Variants in CD5 observed in about 807,000 individuals in gnomAD.
The protein encoded by CD5 is CD5 molecule.
Under a neutral mutation model 60.3 loss-of-function variants are expected in CD5, and 36 were observed. The ratio of observed to expected loss-of-function variants is 0.60; its 90% confidence interval spans 0.46 to 0.79. CD5 has a LOEUF of 0.79. CD5 is among the 30% of genes least tolerant of loss of function. CD5 has a pLI of 0.00. For missense variants in CD5, 540 were observed against 630.6 expected (o/e 0.86, Z 1.54); for synonymous variants, 230 against 257.6 (o/e 0.89, Z 1.03).
chr11:61,102,493 T>C lies in CD5; in HGVS notation c.-68T>C. The C allele has an allele frequency of 1.9e-6, 2 of 1,032,576 alleles. No individual in the cohort carries two copies. Among genetic ancestry groups the C allele is most frequent in the Non-Finnish European group, 2.8e-6 (2 of 724,928 alleles). The allele number at this position is 1,032,576 out of a possible 1,614,324, so 64.0% of individuals were successfully genotyped here. ...GCCCTCTCCCTCTCTGAGAGCGAGA[T>C]ACCCGGCCAGACACCCTCACCTGCG... On this transcript the variant is annotated 5_prime_UTR_variant, in exon 1 of 11. Transcript: ENST00000347785.
rs769667296 is a variant in CD5, at chr11:61,118,243, G to A, written c.163G>A (p.Gly55Arg). ...QGQLEVYLKD[G>R]WHMVCSQSWG... ...CCAGCTGGAGGTCTACCTCAAGGAC[G>A]GATGGCACATGGTTTGCAGCCAGAG... Residue 55 changes from glycine to arginine, a missense_variant, in exon 3 of 11, where the codon GGA becomes AGA. By Grantham distance (125) the Gly-to-Arg change is moderately radical. Transcript: ENST00000347785. The surrounding 1 kb of genome is among the most constrained non-coding windows in gnomAD (Gnocchi z 4.7). 51 of 1,614,142 alleles carry A rather than the reference G, an allele frequency of 3.2e-5. No individual in the cohort carries two copies. Among genetic ancestry groups the A allele is most frequent in the South Asian group, 2.6e-4 (24 of 91,090 alleles).
chr11:61,118,052 G>A lies in CD5; in HGVS notation c.95-123G>A. 9.9e-7 allele frequency: 1 copy of A among 1,014,872 alleles called. No homozygotes were observed. The highest frequency in any genetic ancestry group is 1.5e-5 in the South Asian group (1 of 66,480). 62.9% of individuals were successfully genotyped at this position (1,014,872 alleles called of 1,614,324 possible). A position where few individuals can be genotyped will look rare whatever the true frequency, so the allele number is the denominator to read the frequency against. ...CCAGAAGGGACGAAGCTCACAAGGG[G>A]CAAGGCAGGCAGCCCACGGGGCAGG... On this transcript the variant is annotated intron_variant, in intron 2 of 10. Coordinates refer to ENST00000347785, the MANE Select transcript of CD5 (RefSeq NM_014207.4). The surrounding 1 kb of genome is among the most constrained non-coding windows in gnomAD (Gnocchi z 4.7).
At chr11:61,096,506 T>C in the CD5 span, among the ~76,000 whole-genome samples, 2,304 of 152,272 alleles carry the variant, frequency 0.015, 64 homozygotes, top group African/African-American at 0.051. Flanking sequence ...GAGTTTCCAC[T>C]AAGCAGGCTT....
chr11:61,110,430 A>C (rs1173592773), intron 1 of CD5, among the ~76,000 whole-genome samples: 1 of 152,236 alleles, frequency 6.6e-6, no homozygotes. Flanking sequence ...ACAGATTAAG[A>C]AACTGAGCCC....
At chr11:61,099,384 TCACACACACA>T (rs1214974910), upstream of CD5, among the ~76,000 whole-genome samples, 16 of 117,344 alleles carry the variant, frequency 1.4e-4, no homozygotes, top group East Asian at 1.2e-3. Context: ...AACATGGAAA[TCACACACACA>T]CATCAACATG....
chr11:61,117,971 G>A (rs1860988915), intron 2 of CD5, among the ~76,000 whole-genome samples: 1 of 152,218 alleles, frequency 6.6e-6, no homozygotes, highest in Non-Finnish European at 1.5e-5. Flanking sequence ...CCACCCTCCT[G>A]GGTCTAGCTT....
chr11:61,097,646 A>G (rs1024201960), upstream of CD5, among the ~76,000 whole-genome samples: 1 of 152,170 alleles, frequency 6.6e-6, no homozygotes, highest in Non-Finnish European at 1.5e-5. Flanking sequence ...CTTTCTTCCA[A>G]CTGCCCATAA....
At position 61,119,626 on chromosome 11, in the gene CD5, G is replaced by C; in HGVS notation, c.805+51G>C. 3.0e-6 allele frequency: 4 copies of C among 1,341,926 alleles called. No individual in the cohort carries two copies. In the South Asian group the frequency reaches 5.2e-5, roughly 17 times the overall value. 83.1% of individuals were successfully genotyped at this position (1,341,926 alleles called of 1,614,324 possible). ...TGACACCTTCTGCTGCCCTAGGTGG[G>C]GTCACAGAGCATCCCAGAAGGTCAG... is the stretch of plus-strand genomic sequence containing the variant. On this transcript the variant is annotated intron_variant, in intron 5 of 10. Coordinates refer to ENST00000347785, the MANE Select transcript of CD5 (RefSeq NM_014207.4).
At chr11:61,099,531 TTCGCACACATCAACATGGAGATC>T (rs1860629439), upstream of CD5, among the ~76,000 whole-genome samples, 1 of 23,978 alleles carries the variant, frequency 4.2e-5, no homozygotes, top group African/African-American at 2.9e-4. Flanking sequence ...GGAGATCACA[TTCGCACACATCAACATGGAGATC>T]ACACACACAC....
intron 5 of CD5, among the ~76,000 whole-genome samples, chr11:61,120,717 T>C (rs950653207): frequency 6.6e-6 from 1 of 152,200 alleles, no homozygotes; most frequent in Non-Finnish European, 1.5e-5. Context: ...GCAAGCACGC[T>C]GGGTACCTGG....
intron 7 of CD5, among the ~76,000 whole-genome samples, chr11:61,123,550 T>A (rs547421109): frequency 5.3e-5 from 8 of 152,220 alleles, no homozygotes; most frequent in African/African-American, 1.9e-4. Flanking sequence ...AGGGGAGAGA[T>A]TGGGAACAGA....
rs772971650 is a variant in CD5, at chr11:61,121,803, G to A, written c.998G>A (p.Gly333Asp). ...SVNSYRVLDA[G>D]DPTSRGLFCP... ...AACTCCTATCGAGTGCTGGACGCTG[G>A]TGACCCAACATCCCGGGGGCTCTTC... is the stretch of plus-strand genomic sequence containing the variant. The change falls in exon 6 of 11, where the codon GGT becomes GAT. Residue 333 changes from glycine to aspartate, a missense_variant. Gly to Asp is a moderately conservative substitution (Grantham distance 94). Transcript: ENST00000347785. 1.2e-6 allele frequency: 2 copies of A among 1,609,978 alleles called. No individual in the cohort carries two copies. The highest frequency in any genetic ancestry group is 1.7e-6 in the Non-Finnish European group (2 of 1,176,970).
At chr11:61,103,941 A>G (rs1860741293) in intron 1 of CD5, among the ~76,000 whole-genome samples, 1 of 82,464 alleles carries the variant, frequency 1.2e-5, no homozygotes, top group Non-Finnish European at 2.2e-5. Flanking sequence ...TCTGTGTGTG[A>G]GTCTCTGGGC....
intron 1 of CD5, among the ~76,000 whole-genome samples, chr11:61,113,580 A>G (rs1860890713): frequency 6.6e-6 from 1 of 152,262 alleles, no homozygotes; most frequent in African/African-American, 2.4e-5. Flanking sequence ...GCTGTTAAAG[A>G]TAAGTGGCTG....
At chr11:61,116,470 G>A (rs75448191) in intron 2 of CD5, among the ~76,000 whole-genome samples, 10,173 of 62,390 alleles carry the variant, frequency 0.16, 1,071 homozygotes, top group African/African-American at 0.38. Context: ...CACACACACC[G>A]CACACCACAT....
chr11:61,095,062 C>T, the CD5 span, among the ~76,000 whole-genome samples: 3 of 152,136 alleles, frequency 2.0e-5, no homozygotes, highest in Non-Finnish European at 4.4e-5. Flanking sequence ...CGATCCCACC[C>T]GCCGAGGGAA....
Position 61,123,882 on chromosome 11 carries a change from A to C in CD5, c.1226-2A>C. On this transcript the variant is annotated splice_acceptor_variant, in intron 7 of 10. Transcript: ENST00000347785. LOFTEE classifies it high-confidence loss of function. ...GATGTGCCTTTCTTGTCTCTTGCCC[A>C]GTCCGCCAGAAGAAGCAGCGCCAGT... 7.2e-7 allele frequency: 1 copy of C among 1,389,470 alleles called. No individual in the cohort carries two copies. The highest frequency in any genetic ancestry group is 9.5e-7 in the Non-Finnish European group (1 of 1,047,906). The allele number at this position is 1,389,470 out of a possible 1,614,324, so 86.1% of individuals were successfully genotyped here.
At chr11:61,102,938 T>C (rs1239731028) in intron 1 of CD5, among the ~76,000 whole-genome samples, 2 of 151,948 alleles carry the variant, frequency 1.3e-5, no homozygotes, top group East Asian at 1.9e-4. Context: ...CTAGGCTGAG[T>C]TGGATTTTAG....
chr11:61,116,665 A>C (rs1590771386), intron 2 of CD5, among the ~76,000 whole-genome samples: 1 of 139,792 alleles, frequency 7.2e-6, no homozygotes, highest in African/African-American at 2.9e-5. Flanking sequence ...CACCACACAC[A>C]CCACACACAC....
Sources: allele counts gnomAD v4.1 joint callset (sites outside exome capture counted in the v4.1 genomes callset), GRCh38; gene constraint gnomAD v4.1.1; non-coding constraint Gnocchi (gnomAD v3.1); transcripts MANE v1.5; gene names NCBI Gene and HGNC (gene_info 2026-07-23, HGNC 2026-07-21).